The following ADORA2B variants were observed in gnomAD, a reference collection of about 807,000 sequenced individuals.
ADORA2B encodes adenosine receptor A2b.
Under a neutral mutation model 20.8 loss-of-function variants are expected in ADORA2B, and 18 were observed. The ratio of observed to expected loss-of-function variants is 0.87; its 90% CI spans 0.60 to 1.29. The LOEUF is 1.29. Ranked by LOEUF, ADORA2B falls within the 50% of genes most tolerant of loss-of-function variation. The pLI, the probability that ADORA2B is intolerant of heterozygous loss-of-function variation, is 0.00. For synonymous variants in ADORA2B, 179 were observed against 178.3 expected (o/e 1.00, Z -0.03); for missense variants, 441 against 422.7 (o/e 1.04, Z -0.38).
At chr17:15,922,609 T>C in the ADORA2B span, among the ~76,000 whole-genome samples, 3 of 152,230 alleles carry the variant, frequency 2.0e-5, no homozygotes, top group African/African-American at 7.2e-5. Flanking sequence ...GGTCACCCCA[T>C]AGATGATGAA....
chr17:15,974,233 G>A (rs1970220280), intron 1 of ADORA2B: 1 of 162,914 alleles, frequency 6.1e-6, no homozygotes, highest in African/African-American at 2.4e-5. Context: ...ACGTCCACTT[G>A]TTGTAGTCCA....
the ADORA2B span, among the ~76,000 whole-genome samples, chr17:15,876,442 C>CTT: frequency 1.7e-5 from 2 of 115,478 alleles, no homozygotes; most frequent in South Asian, 2.6e-4. Context: ...TCTTTCTTTT[C>CTT]TTTTTTCTTT....
chr17:15,942,909 G>T (rs1231891224), upstream of ADORA2B, among the ~76,000 whole-genome samples: 5 of 152,128 alleles, frequency 3.3e-5, no homozygotes, highest in Non-Finnish European at 5.9e-5. Flanking sequence ...CCACCCCACT[G>T]TGAAGCCTCC....
At chr17:15,941,647 G>T (rs1270588410), upstream of ADORA2B, among the ~76,000 whole-genome samples, 2 of 150,728 alleles carry the variant, frequency 1.3e-5, no homozygotes, top group Non-Finnish European at 3.0e-5. Flanking sequence ...AGGATCACCT[G>T]AGCCCAGGAG....
At chr17:15,918,073 G>A in the ADORA2B span, among the ~76,000 whole-genome samples, 1 of 152,198 alleles carries the variant, frequency 6.6e-6, no homozygotes, top group Non-Finnish European at 1.5e-5. Flanking sequence ...GGGAGTCTGC[G>A]CTCGGGGTGG....
intron 1 of ADORA2B, chr17:15,973,867 T>C (rs922532733): frequency 5.9e-5 from 9 of 152,140 alleles, no homozygotes; most frequent in African/African-American, 2.2e-4. Flanking sequence ...ATGCACTGTA[T>C]AACAAAGCCA....
the ADORA2B span, among the ~76,000 whole-genome samples, chr17:15,874,396 A>G: frequency 5.5e-4 from 84 of 151,952 alleles, no homozygotes; most frequent in Non-Finnish European, 1.1e-3. Context: ...TTATTTTTTA[A>G]AAGTGTCGTG....
At chr17:15,904,232 G>A in the ADORA2B span, among the ~76,000 whole-genome samples, 1 of 151,826 alleles carries the variant, frequency 6.6e-6, no homozygotes, top group Admixed American at 6.6e-5. Flanking sequence ...CTCCCACCTC[G>A]GTCTCCCAAA....
the ADORA2B span, among the ~76,000 whole-genome samples, chr17:15,873,862 C>G: frequency 6.6e-5 from 10 of 151,984 alleles, no homozygotes; most frequent in African/African-American, 2.4e-4. Context: ...AGAAATAGAT[C>G]TACCGTTTAA....
chr17:15,919,487 A>C, the ADORA2B span, among the ~76,000 whole-genome samples: 1 of 152,184 alleles, frequency 6.6e-6, no homozygotes, highest in Admixed American at 6.5e-5. Flanking sequence ...GGCCATCATC[A>C]GATGTTTAAC....
the ADORA2B span, among the ~76,000 whole-genome samples, chr17:15,930,426 G>A: frequency 6.6e-6 from 1 of 151,922 alleles, no homozygotes; most frequent in Non-Finnish European, 1.5e-5. Context: ...CTCCAGAGGA[G>A]CTGGGACAAC....
At chr17:15,904,169 A>T in the ADORA2B span, among the ~76,000 whole-genome samples, 9 of 152,124 alleles carry the variant, frequency 5.9e-5, no homozygotes, top group Admixed American at 5.9e-4. Context: ...AAATAGAGAC[A>T]GGGTCTTGCT....
At chr17:15,970,609 T>C (rs1432865225) in intron 1 of ADORA2B, among the ~76,000 whole-genome samples, 2 of 152,234 alleles carry the variant, frequency 1.3e-5, no homozygotes, top group Non-Finnish European at 2.9e-5. Context: ...TCTTTTCTTA[T>C]TTGTGAAATA....
chr17:15,975,222 G>C lies in ADORA2B; in HGVS notation c.879G>C (p.Arg293=), dbSNP rs1460317765. 3 of 1,613,890 alleles carry C rather than the reference G, an allele frequency of 1.9e-6. No individual in the cohort carries two copies. Among genetic ancestry groups the C allele is most frequent in the Non-Finnish European group, 2.5e-6 (3 of 1,180,038 alleles). ...SVVNPIVYAY[R]NRDFRYTFHK... ...TCAATCCCATTGTCTATGCTTACCG[G>C]AACCGAGACTTCCGCTACACTTTTC... is the stretch of plus-strand genomic sequence containing the variant. Residue 293 remains arginine (R), a synonymous_variant, in exon 2 of 2, where the codon CGG becomes CGC. Coordinates refer to ENST00000304222, the MANE Select transcript of ADORA2B (RefSeq NM_000676.4).
chr17:15,881,533 GTT>G, the ADORA2B span, among the ~76,000 whole-genome samples: 1 of 152,248 alleles, frequency 6.6e-6, no homozygotes, highest in African/African-American at 2.4e-5. Flanking sequence ...TTTCCAAAAT[GTT>G]TTCATCATCC....
the ADORA2B span, among the ~76,000 whole-genome samples, chr17:15,895,209 T>C: frequency 1.3e-5 from 2 of 152,192 alleles, no homozygotes; most frequent in Non-Finnish European, 2.9e-5. Flanking sequence ...AATGTTAAGC[T>C]CATTTTAAAA....
chr17:15,950,879 G>T (rs759767555), intron 1 of ADORA2B, among the ~76,000 whole-genome samples: 4 of 152,158 alleles, frequency 2.6e-5, no homozygotes, highest in Non-Finnish European at 5.9e-5. Flanking sequence ...CTCAGCCACT[G>T]CATTGGTTTA....
At chr17:15,889,753 C>T in the ADORA2B span, among the ~76,000 whole-genome samples, 1 of 128,302 alleles carries the variant, frequency 7.8e-6, no homozygotes, top group Non-Finnish European at 1.6e-5. Flanking sequence ...CAAAAATTAG[C>T]CGGGTGTGGT....
chr17:15,874,062 GTGTGTGTATA>G, the ADORA2B span, among the ~76,000 whole-genome samples: 12 of 99,576 alleles, frequency 1.2e-4, no homozygotes, highest in African/African-American at 3.4e-4. Flanking sequence ...ATATATATGT[GTGTGTGTATA>G]TATATATATG....
Sources: gnomAD v4.1 joint callset for allele counts (sites outside exome capture counted in the v4.1 genomes callset) on GRCh38, gnomAD v4.1.1 for gene constraint, MANE v1.5 for transcripts, NCBI Gene and HGNC (gene_info 2026-07-23, HGNC 2026-07-21) for gene names.